The following CAST variants were observed in gnomAD, a reference collection of about 807,000 sequenced individuals.
CAST encodes the protein MIR583 host.
In CAST, 76 loss-of-function variants were observed where a neutral mutation model predicts 119.6. The observed-to-expected ratio is 0.64, with a 90% CI of 0.53 to 0.77. The LOEUF (loss-of-function observed/expected upper bound fraction) is 0.77, where lower values mean the gene tolerates loss of function less well. Among genes scored for constraint, CAST ranks in the 30% least tolerant of loss-of-function variants. The pLI is 0.00. For synonymous variants in CAST, 319 were observed against 331.6 expected (o/e 0.96, Z 0.41); for missense variants, 953 against 946.5 (o/e 1.01, Z -0.09).
At chr5:96,534,735 GAGAGAGAAAGAAAGAA>G (rs1306292600) in intron 1 of CAST, among the ~76,000 whole-genome samples, 5 of 18,794 alleles carry the variant, frequency 2.7e-4, no homozygotes, top group African/African-American at 8.8e-4. Flanking sequence ...GAGAGAGAGA[GAGAGAGAAAGAAAGAA>G]AGAAAGAAAG....
At chr5:96,470,753 G>A in the CAST span, among the ~76,000 whole-genome samples, 120 of 152,160 alleles carry the variant, frequency 7.9e-4, no homozygotes, top group African/African-American at 2.8e-3. Flanking sequence ...CTTTTACAGA[G>A]ACTTACCTTT....
the CAST span, among the ~76,000 whole-genome samples, chr5:96,500,755 T>C: frequency 6.6e-6 from 1 of 152,230 alleles, no homozygotes; most frequent in South Asian, 2.1e-4. Context: ...TGCTTAAATG[T>C]ATAACTAATC....
upstream of CAST, among the ~76,000 whole-genome samples, chr5:96,526,084 C>T (rs555582388): frequency 6.6e-6 from 1 of 152,350 alleles, no homozygotes; most frequent in African/African-American, 2.4e-5. Context: ...ACAGGTTTCA[C>T]AACTGCAGTG....
intron 1 of CAST, among the ~76,000 whole-genome samples, chr5:96,620,577 A>G (rs1580849194): frequency 6.6e-6 from 1 of 152,130 alleles, no homozygotes; most frequent in East Asian, 1.9e-4. Context: ...CACCTTTAAG[A>G]TATGCTAGGT....
chr5:96,301,027 G>A, the CAST span, among the ~76,000 whole-genome samples: 1 of 152,046 alleles, frequency 6.6e-6, no homozygotes, highest in African/African-American at 2.4e-5. Context: ...AGAACTACCT[G>A]AGACTGGGTA....
chr5:96,379,490 A>G, the CAST span: 4 of 152,198 alleles, frequency 2.6e-5, no homozygotes, highest in Non-Finnish European at 5.9e-5. Flanking sequence ...TTTATGAAGT[A>G]TAAAAATTGT....
chr5:96,480,531 A>G, the CAST span, among the ~76,000 whole-genome samples: 2 of 152,188 alleles, frequency 1.3e-5, no homozygotes, highest in East Asian at 3.8e-4. Context: ...AGATAGAGAA[A>G]GGAAAATTAC....
At chr5:96,644,405 A>G (rs995906870) in intron 1 of CAST, among the ~76,000 whole-genome samples, 16 of 152,228 alleles carry the variant, frequency 1.1e-4, no homozygotes, top group Admixed American at 9.8e-4. Context: ...CTGCTAGAAA[A>G]TTATCTTTAA....
chr5:96,736,333 G>T, intron 10 of CAST, 93 bp downstream of exon 10: 1 of 713,316 alleles, frequency 1.4e-6, no homozygotes, highest in South Asian at 1.9e-5. Context: ...ATAATATGAG[G>T]GGGGTAATTT....
chr5:96,570,592 T>C (rs1287846252), intron 1 of CAST, among the ~76,000 whole-genome samples: 1 of 152,142 alleles, frequency 6.6e-6, no homozygotes, highest in East Asian at 1.9e-4. Context: ...CTTTCTGTAA[T>C]GAATACAATG....
the CAST span, among the ~76,000 whole-genome samples, chr5:96,515,158 G>A: frequency 1.4e-5 from 2 of 143,130 alleles, no homozygotes; most frequent in Non-Finnish European, 3.1e-5. Flanking sequence ...GGATGGGAGT[G>A]CTTCAAAAAT....
At chr5:96,122,442 C>T in the CAST span, among the ~76,000 whole-genome samples, 1 of 152,084 alleles carries the variant, frequency 6.6e-6, no homozygotes, top group East Asian at 1.9e-4. Flanking sequence ...ATTCCCAACC[C>T]CCAAGAGTAT....
chr5:96,276,213 G>A, the CAST span, among the ~76,000 whole-genome samples: 1 of 152,040 alleles, frequency 6.6e-6, no homozygotes, highest in Non-Finnish European at 1.5e-5. Context: ...AGCCACCAGC[G>A]CAGAATAAGA....
the CAST span, among the ~76,000 whole-genome samples, chr5:96,269,616 A>T: frequency 6.6e-6 from 1 of 152,196 alleles, no homozygotes. Flanking sequence ...ATAATTAGAG[A>T]CTATTATGAA....
At chr5:96,432,526 G>A in the CAST span, among the ~76,000 whole-genome samples, 5 of 152,194 alleles carry the variant, frequency 3.3e-5, no homozygotes, top group African/African-American at 4.8e-5. Flanking sequence ...GTTGGTAAGA[G>A]CTTGAGTGTA....
intron 1 of CAST, among the ~76,000 whole-genome samples, chr5:96,534,722 A>AAG (rs1416482525): frequency 0.27 from 4,019 of 14,808 alleles, 702 homozygotes; most frequent in Non-Finnish European, 0.33. Context: ...AAGGAGAGAG[A>AAG]GAGAGAGAGA....
At chr5:96,422,846 C>T in the CAST span, among the ~76,000 whole-genome samples, 1 of 152,134 alleles carries the variant, frequency 6.6e-6, no homozygotes, top group Non-Finnish European at 1.5e-5. Flanking sequence ...TTTCCTTTCT[C>T]AGCTTGGCAT....
chr5:96,065,983 C>G, the CAST span, among the ~76,000 whole-genome samples: 1 of 152,128 alleles, frequency 6.6e-6, no homozygotes, highest in Non-Finnish European at 1.5e-5. Flanking sequence ...AGAGAGAGCA[C>G]CTCCTAAGAG....
chr5:96,536,012 C>T (rs1399501283), intron 1 of CAST, among the ~76,000 whole-genome samples: 1 of 146,348 alleles, frequency 6.8e-6, no homozygotes, highest in Admixed American at 6.8e-5. Flanking sequence ...GTTAAATAAC[C>T]ATATGTTAAA....
Sources: allele counts gnomAD v4.1 joint callset (sites outside exome capture counted in the v4.1 genomes callset), GRCh38; gene constraint gnomAD v4.1.1; transcripts MANE v1.5; gene names NCBI Gene and HGNC (gene_info 2026-07-23, HGNC 2026-07-21).